SNX32: variants seen among roughly 807,000 people sequenced by gnomAD.
The protein encoded by SNX32 is sorting nexin 32, also known as sorting nexin-32.
Under a neutral mutation model 57.0 loss-of-function variants are expected in SNX32, and 58 were observed. The ratio of observed to expected loss-of-function variants is 1.02; its 90% CI spans 0.82 to 1.27. SNX32 has a LOEUF of 1.27. Among genes scored for constraint, SNX32 ranks in the 50% most tolerant of loss-of-function variants. The probability of loss-of-function intolerance (pLI) is 0.00; values close to 1 mark genes in which losing one functional copy is unlikely to be tolerated. For synonymous variants in SNX32, 262 were observed against 220.4 expected (o/e 1.19, Z -1.67); for missense variants, 589 against 541.2 (o/e 1.09, Z -0.88).
At chr11:65,835,593 G>C (rs1299271898) in intron 1 of SNX32, 4 of 152,378 alleles carry the variant, frequency 2.6e-5, no homozygotes, top group African/African-American at 9.7e-5. Flanking sequence ...CATATGCATA[G>C]TGGGCCGTGG....
intron 9 of SNX32, 84 bp from the exon 10 acceptor site, chr11:65,852,381 G>A: frequency 8.2e-7 from 1 of 1,218,618 alleles, no homozygotes; most frequent in African/African-American, 1.5e-5. Flanking sequence ...CTTCTTTGCT[G>A]GATATTTAGA....
intron 1 of SNX32, among the ~76,000 whole-genome samples, chr11:65,839,242 T>TTTTTTTTTTTTTTTA (rs1858765200): frequency 2.1e-5 from 1 of 47,784 alleles, no homozygotes; most frequent in Non-Finnish European, 4.6e-5. Context: ...TTTTTTTTTT[T>TTTTTTTTTTTTTTTA]TTTTTGAGAC....
At chr11:65,843,134 T>G in intron 1 of SNX32, among the ~76,000 whole-genome samples, 2 of 143,820 alleles carry the variant, frequency 1.4e-5, no homozygotes, top group African/African-American at 5.3e-5. Flanking sequence ...GGCAGGAGAA[T>G]GGCTTGAACC....
chr11:65,849,937 C>A lies in SNX32; in HGVS notation c.159C>A (p.Phe53Leu). The change falls in exon 3 of 13, where the codon TTC becomes TTA. Residue 53 changes from phenylalanine (F) to leucine (L), a missense_variant. Coordinates refer to ENST00000308342, the MANE Select transcript of SNX32 (RefSeq NM_152760.3). ...TVQTKSCLPH[F>L]AQTEFSVVRQ... ...GCTTCCAGAGCTGCCTCCCTCACTT[C>A]GCCCAGACCGAGTTCTCAGTCGTGC... 1 of 1,579,246 alleles carries A rather than the reference C, an allele frequency of 6.3e-7. No individual in the cohort carries two copies. Among genetic ancestry groups the A allele is most frequent in the Non-Finnish European group, 8.6e-7 (1 of 1,158,806 alleles).
chr11:65,853,185 C>A, intron 12 of SNX32, 97 bp from the exon 13 acceptor site: 2 of 1,532,112 alleles, frequency 1.3e-6, no homozygotes, highest in South Asian at 1.1e-5. Context: ...TTGCAGAGAG[C>A]AGGGGTGTGG....
chr11:65,839,420 G>A lies in SNX32; in HGVS notation c.36+5319G>A, dbSNP rs1014926575. On this transcript the variant is annotated intron_variant, in intron 1 of 12. Transcript: ENST00000308342. The stretch of plus-strand genomic sequence containing the variant: ...AATTTTTTGTATTTTTAGTAGAGAC[G>A]GGGTTTCACCGTTTTAGCCGGGATG... 1.4e-5 allele frequency among the ~76,000 whole-genome samples: 2 copies of A among 146,940 alleles called. 1 individual carries two copies. The highest frequency in any genetic ancestry group is 5.1e-5 in the African/African-American group (2 of 39,224).
chr11:65,840,160 A>AAAAT (rs1261755143), intron 1 of SNX32, among the ~76,000 whole-genome samples: 3 of 152,194 alleles, frequency 2.0e-5, no homozygotes, highest in Non-Finnish European at 4.4e-5. Context: ...TGTCTCCAAA[A>AAAAT]AAATAAATAA....
intron 1 of SNX32, among the ~76,000 whole-genome samples, chr11:65,848,407 T>TAA (rs779856056): frequency 3.5e-5 from 4 of 114,926 alleles, no homozygotes; most frequent in Non-Finnish European, 5.6e-5. Flanking sequence ...ACTCTGTCTC[T>TAA]AAAAAAAAAA....
At chr11:65,846,945 T>C (rs1431587881) in intron 1 of SNX32, among the ~76,000 whole-genome samples, 2 of 151,652 alleles carry the variant, frequency 1.3e-5, no homozygotes, top group Non-Finnish European at 2.9e-5. Flanking sequence ...ATTGCACCAT[T>C]GCACTCCAGC....
intron 1 of SNX32, among the ~76,000 whole-genome samples, chr11:65,845,197 T>C (rs1381040115): frequency 6.7e-6 from 1 of 149,976 alleles, no homozygotes; most frequent in Non-Finnish European, 1.5e-5. Flanking sequence ...TCCAGCACTT[T>C]GGGAGGCCGA....
intron 1 of SNX32, among the ~76,000 whole-genome samples, chr11:65,840,829 G>A (rs1858820094): frequency 1.3e-5 from 2 of 150,712 alleles, no homozygotes; most frequent in African/African-American, 2.4e-5. Context: ...ATCTACAAAC[G>A]ATTAAATTAA....
chr11:65,845,399 C>A (rs1348638705), intron 1 of SNX32, among the ~76,000 whole-genome samples: 1 of 148,412 alleles, frequency 6.7e-6, no homozygotes, highest in South Asian at 2.1e-4. Context: ...GATCGTGCCA[C>A]TGCACTCCAG....
intron 1 of SNX32, among the ~76,000 whole-genome samples, chr11:65,838,744 A>G (rs1286815760): frequency 1.3e-5 from 2 of 152,206 alleles, no homozygotes; most frequent in Non-Finnish European, 2.9e-5. Flanking sequence ...AAGTATCAAT[A>G]AATTTTAAAA....
intron 1 of SNX32, among the ~76,000 whole-genome samples, chr11:65,836,398 G>T (rs981997133): frequency 2.0e-5 from 3 of 152,030 alleles, no homozygotes; most frequent in Non-Finnish European, 4.4e-5. Flanking sequence ...CAAAAAATTG[G>T]CCAGACGTGG....
intron 7 of SNX32, 30 bp from the exon 8 acceptor site, chr11:65,851,298 G>A: frequency 1.9e-6 from 3 of 1,613,256 alleles, no homozygotes; most frequent in East Asian, 4.5e-5. Flanking sequence ...TGCAGATGTA[G>A]GGGCTCTGAT....
At chr11:65,840,160 A>T (rs556750906) in intron 1 of SNX32, among the ~76,000 whole-genome samples, 14 of 152,312 alleles carry the variant, frequency 9.2e-5, no homozygotes, top group East Asian at 1.9e-4. Flanking sequence ...TGTCTCCAAA[A>T]AAATAAATAA....
chr11:65,851,304 C>G, intron 7 of SNX32, 24 bp from the exon 8 acceptor site: 3 of 1,613,720 alleles, frequency 1.9e-6, no homozygotes, highest in Non-Finnish European at 2.5e-6. Context: ...TGTAGGGGCT[C>G]TGATGGGGGC....
chr11:65,853,143 G>A, intron 12 of SNX32, 139 bp from the exon 13 acceptor site: 1 of 1,353,704 alleles, frequency 7.4e-7, no homozygotes, highest in Non-Finnish European at 1.0e-6. Context: ...CGTGCCTTCT[G>A]GGTAGGAAGG....
Position 65,850,845 on chromosome 11 carries a change from CA to C in SNX32, c.594del (p.Leu200SerfsTer50), listed in dbSNP as rs1175991994. Reference protein sequence around the residue: ...SADEALITGMSGLKEVDDFFE... With the variant: ...SADEALITGMXGLKEVDDFFE... ...GATGAAGCCCTCATCACGGGCATGTCAGGGCTCAAGGTAACCCCTGGTGCTC... is the reference window on the plus strand; with the variant it reads ...GATGAAGCCCTCATCACGGGCATGTCGGGCTCAAGGTAACCCCTGGTGCTC... On this transcript the variant is annotated frameshift_variant, in exon 6 of 13. Coordinates refer to ENST00000308342, the MANE Select transcript of SNX32 (RefSeq NM_152760.3). LOFTEE classifies it high-confidence loss of function. 2.5e-6 allele frequency: 4 copies of C among 1,613,426 alleles called. No homozygotes were observed. The Admixed American group carries it at 6.7e-5, about 27-fold the overall frequency.
Sources: gnomAD v4.1 joint callset for allele counts (sites outside exome capture counted in the v4.1 genomes callset) on GRCh38, gnomAD v4.1.1 for gene constraint, MANE v1.5 for transcripts, NCBI Gene and HGNC (gene_info 2026-07-23, HGNC 2026-07-21) for gene names.